The following RBMS3 variants were observed in gnomAD, a reference collection of about 807,000 sequenced individuals.
RBMS3 encodes RNA-binding motif, single-stranded-interacting protein 3.
Under a neutral mutation model 66.8 loss-of-function variants are expected in RBMS3, and 27 were observed. That is an observed-to-expected ratio of 0.40 (90% CI 0.30 to 0.56). The LOEUF is 0.56. Among genes scored for constraint, RBMS3 ranks in the 20% least tolerant of loss-of-function variants. The pLI is 0.40. For synonymous variants in RBMS3, 188 were observed against 183.0 expected (o/e 1.03, Z -0.22); for missense variants, 513 against 549.5 (o/e 0.93, Z 0.66).
At chr3:29,298,577 T>C (rs2033450650) in intron 1 of RBMS3, among the ~76,000 whole-genome samples, 1 of 151,166 alleles carries the variant, frequency 6.6e-6, no homozygotes. Context: ...TAAGGTAAAA[T>C]TCTCCTCAAG....
rs560511873 is a variant in RBMS3 at position 29,832,851 on chromosome 3, G to A, written c.638-36007G>A. 5.3e-5 allele frequency among the ~76,000 whole-genome samples: 8 copies of A among 152,234 alleles called. 1 individual carries two copies. In the South Asian group the frequency reaches 1.7e-3, roughly 32 times the overall value. On this transcript the variant is annotated intron_variant, in intron 6 of 14. Coordinates refer to ENST00000383767, the MANE Select transcript of RBMS3 (RefSeq NM_001003793.3). ...CTCAACTAGCTCATGGGCACCACAA[G>A]TGTGCCATGCACCTCAAGCCCCCTC...
chr3:29,849,013 A>G (rs942741596), intron 6 of RBMS3, among the ~76,000 whole-genome samples: 4 of 152,144 alleles, frequency 2.6e-5, no homozygotes, highest in South Asian at 2.1e-4. Context: ...GTGTTTATTA[A>G]TATCTTTGCA....
At chr3:29,860,933 C>T (rs757672093) in intron 6 of RBMS3, among the ~76,000 whole-genome samples, 1 of 152,074 alleles carries the variant, frequency 6.6e-6, no homozygotes, top group African/African-American at 2.4e-5. Flanking sequence ...GCAGTGAGCT[C>T]TCTTGCAGTG....
At chr3:29,537,777 C>G (rs2045622974) in intron 3 of RBMS3, 1 of 148,522 alleles carries the variant, frequency 6.7e-6, no homozygotes, top group South Asian at 2.1e-4. Flanking sequence ...GAGCTGTGAC[C>G]GCGCTACTGC....
At chr3:29,702,575 C>T (rs1394584604) in intron 4 of RBMS3, among the ~76,000 whole-genome samples, 4 of 152,202 alleles carry the variant, frequency 2.6e-5, no homozygotes, top group African/African-American at 9.6e-5. Flanking sequence ...TCTTTATGAG[C>T]TGTAACTCAC....
At chr3:29,315,082 A>G (rs9858747) in intron 1 of RBMS3, among the ~76,000 whole-genome samples, 5,886 of 151,850 alleles carry the variant, frequency 0.039, 376 homozygotes, top group African/African-American at 0.13. Flanking sequence ...AATTTAACTT[A>G]AAAAAGAAAA....
chr3:29,854,712 G>T lies in RBMS3; in HGVS notation c.638-14146G>T, dbSNP rs76065364. On this transcript the variant is annotated intron_variant, in intron 6 of 14. Coordinates refer to ENST00000383767, the MANE Select transcript of RBMS3 (RefSeq NM_001003793.3). ...GCAAATTTGACAGGGTCTCTCATGG[G>T]CATTGTCTACAAGAGTGAAACAAAT... Among the ~76,000 whole-genome samples the T allele has an allele frequency of 5.9e-3, 895 of 152,278 alleles. 21 individuals are homozygous for T. Among genetic ancestry groups the T allele is most frequent in the East Asian group, 0.045 (231 of 5,176 alleles).
At chr3:29,680,765 A>G (rs570599766) in intron 4 of RBMS3, among the ~76,000 whole-genome samples, 4 of 152,110 alleles carry the variant, frequency 2.6e-5, no homozygotes, top group Admixed American at 6.5e-5. Context: ...TAAGGCATCT[A>G]TTACAGGTAT....
At chr3:29,366,327 A>C (rs999799125) in intron 1 of RBMS3, among the ~76,000 whole-genome samples, 10 of 152,232 alleles carry the variant, frequency 6.6e-5, no homozygotes, top group Non-Finnish European at 1.0e-4. Context: ...TTTGAGAACT[A>C]TAACATGAAC....
At chr3:29,828,539 A>T (rs192047090) in intron 6 of RBMS3, among the ~76,000 whole-genome samples, 6 of 152,304 alleles carry the variant, frequency 3.9e-5, no homozygotes, top group Non-Finnish European at 7.4e-5. Context: ...ATATATACAT[A>T]TCTTTTCTAC....
chr3:29,920,179 G>A lies in RBMS3; in HGVS notation c.940-15907G>A, dbSNP rs1329377889. Among the ~76,000 whole-genome samples, 7 of 152,238 alleles carry A rather than the reference G, an allele frequency of 4.6e-5. No homozygotes were observed. In the East Asian group the frequency reaches 1.2e-3, roughly 25 times the overall value. The stretch of plus-strand genomic sequence containing the variant: ...TTATAATCAAACCAGATCAAGAAAG[G>A]TGACTGAGACCAAATAAAATGAAAT... On this transcript the variant is annotated intron_variant, in intron 10 of 14. Coordinates refer to ENST00000383767, the MANE Select transcript of RBMS3 (RefSeq NM_001003793.3).
chr3:29,473,393 A>T (rs2042817850), intron 2 of RBMS3, among the ~76,000 whole-genome samples: 1 of 152,144 alleles, frequency 6.6e-6, no homozygotes, highest in Non-Finnish European at 1.5e-5. Flanking sequence ...TTAGCTAGAC[A>T]TAAAGGTTCT....
intron 1 of RBMS3, among the ~76,000 whole-genome samples, chr3:29,410,560 C>T (rs1324674432): frequency 6.6e-6 from 1 of 152,144 alleles, no homozygotes. Context: ...GTACCACCAA[C>T]CTTAGGGGAA....
At chr3:29,689,467 G>A (rs542759044) in intron 4 of RBMS3, among the ~76,000 whole-genome samples, 1 of 152,116 alleles carries the variant, frequency 6.6e-6, no homozygotes, top group South Asian at 2.1e-4. Context: ...GGCTGACAAA[G>A]CAGTAGATAT....
chr3:29,718,328 C>CT (rs1443125698), intron 4 of RBMS3, among the ~76,000 whole-genome samples: 4 of 151,626 alleles, frequency 2.6e-5, no homozygotes, highest in African/African-American at 7.3e-5. Context: ...AATGATACTG[C>CT]TTTTTTTTCT....
Position 29,947,359 on chromosome 3 carries a change from G to T in RBMS3, c.1098+3105G>T, listed in dbSNP as rs370532636. 8.6e-5 allele frequency among the ~76,000 whole-genome samples: 13 copies of T among 151,416 alleles called. No individual in the cohort carries two copies. In the East Asian group the frequency reaches 9.7e-4, roughly 11 times the overall value. On this transcript the variant is annotated intron_variant, in intron 12 of 14. Coordinates refer to ENST00000383767, the MANE Select transcript of RBMS3 (RefSeq NM_001003793.3). ...CTTTGCCATTAATAAATTATACATGGCTCAAGAATATTTTACTTAGGAAGA... is the reference window on the plus strand; with the variant it reads ...CTTTGCCATTAATAAATTATACATGTCTCAAGAATATTTTACTTAGGAAGA...
intron 6 of RBMS3, among the ~76,000 whole-genome samples, chr3:29,852,756 C>A (rs1398632529): frequency 6.6e-6 from 1 of 152,160 alleles, no homozygotes; most frequent in African/African-American, 2.4e-5. Flanking sequence ...TGTGGCAATT[C>A]TTCAAAGACC....
At position 29,737,831 on chromosome 3, in the gene RBMS3, AGTGTGTGTGT is replaced by A. The variant is rs3070725; in HGVS notation, c.400-1860_400-1851del. Among the ~76,000 whole-genome samples the A allele has an allele frequency of 7.2e-3, 1,056 of 145,724 alleles. 34 individuals are homozygous for A. The East Asian group carries it at 0.11, about 15-fold the overall frequency. On this transcript the variant is annotated intron_variant, in intron 4 of 14. Transcript: ENST00000383767. Reference sequence around the variant, plus strand: ...TTGATGATGGTGGTGGTGATAGTGGAGTGTGTGTGTGTGTGTGTGTGTGTGTGTGTGTGTG... The same window carrying A: ...TTGATGATGGTGGTGGTGATAGTGGAGTGTGTGTGTGTGTGTGTGTGTGTG...
intron 1 of RBMS3, among the ~76,000 whole-genome samples, chr3:29,363,622 G>A (rs1049029167): frequency 2.0e-5 from 3 of 151,840 alleles, no homozygotes; most frequent in Non-Finnish European, 1.5e-5. Flanking sequence ...AACCCCATCT[G>A]TACTAAAAAC....
Sources: gnomAD v4.1 joint callset for allele counts (sites outside exome capture counted in the v4.1 genomes callset) on GRCh38, gnomAD v4.1.1 for gene constraint, MANE v1.5 for transcripts, NCBI Gene and HGNC (gene_info 2026-07-23, HGNC 2026-07-21) for gene names.